Variants in ATP9B observed in about 807,000 individuals in gnomAD.
The protein encoded by ATP9B is probable phospholipid-transporting ATPase IIB.
ATP9B carries 110 observed loss-of-function variants against 146.1 expected under a neutral mutation model. The ratio of observed to expected loss-of-function variants is 0.75; its 90% confidence interval spans 0.65 to 0.88. The LOEUF (loss-of-function observed/expected upper bound fraction) is 0.88, where lower values mean the gene tolerates loss of function less well. ATP9B is among the 40% of genes least tolerant of loss of function. ATP9B has a pLI of 0.00. For missense variants in ATP9B, 1,499 were observed against 1,496.4 expected (o/e 1.00, Z -0.03); for synonymous variants, 604 against 569.7 (o/e 1.06, Z -0.86).
chr18:79,071,705 C>T (rs1203673190), intron 1 of ATP9B, among the ~76,000 whole-genome samples: 1 of 152,052 alleles, frequency 6.6e-6, no homozygotes, highest in African/African-American at 2.4e-5. Context: ...AAATCTTGTG[C>T]TGCTTCCTTC....
chr18:79,126,471 TA>T, intron 5 of ATP9B, 96 bp downstream of exon 5: 1 of 843,148 alleles, frequency 1.2e-6, no homozygotes, highest in Non-Finnish European at 1.9e-6. Context: ...TTAATTCTAT[TA>T]TTGAAAATAG....
In ATP9B at chr18:79,071,049, C is replaced by CTTTTTTCTTTTTTTTTTTTTTTTTT. The variant is rs1555723402; in HGVS notation, c.119+1526_119+1527insCTTTTTTTTTTTTTTTTTTTTTTTT. Among the ~76,000 whole-genome samples, 19 of 112,332 alleles carry CTTTTTTCTTTTTTTTTTTTTTTTTT rather than the reference C, an allele frequency of 1.7e-4. 1 individual carries two copies. The highest frequency in any genetic ancestry group is 6.7e-4 in the African/African-American group (19 of 28,466). The allele number at this position is 112,332 out of a possible 152,430, so 73.7% of individuals were successfully genotyped here. On this transcript the variant is annotated intron_variant, in intron 1 of 29. Coordinates refer to ENST00000426216, the MANE Select transcript of ATP9B (RefSeq NM_198531.5). Reference sequence around the variant, plus strand: ...CTGATTCTCATTCTGATTCCTGTTTCTTTTTTTTTTTTTTTTTGCCACTTT... The same window carrying CTTTTTTCTTTTTTTTTTTTTTTTTT: ...CTGATTCTCATTCTGATTCCTGTTTCTTTTTTCTTTTTTTTTTTTTTTTTTTTTTTTTTTTTTTTTTTGCCACTTT...
chr18:79,247,469 A>G (rs1031895041), intron 11 of ATP9B, among the ~76,000 whole-genome samples: 1 of 152,224 alleles, frequency 6.6e-6, no homozygotes, highest in South Asian at 2.1e-4. Flanking sequence ...AGATAACCTC[A>G]TTCTGCACTC....
chr18:79,281,735 C>A (rs2096378978), intron 13 of ATP9B, among the ~76,000 whole-genome samples: 1 of 151,698 alleles, frequency 6.6e-6, no homozygotes, highest in African/African-American at 2.4e-5. Context: ...TTAAAAAAAT[C>A]TTCTGGGGCC....
intron 12 of ATP9B, among the ~76,000 whole-genome samples, chr18:79,261,703 C>T (rs1599376432): frequency 6.6e-6 from 1 of 152,154 alleles, no homozygotes; most frequent in Admixed American, 6.5e-5. Context: ...AATGCTTCAT[C>T]CCCTGCTCTT....
intron 1 of ATP9B, among the ~76,000 whole-genome samples, chr18:79,088,938 C>A (rs902178736): frequency 5.9e-5 from 9 of 152,154 alleles, no homozygotes; most frequent in Non-Finnish European, 1.0e-4. Flanking sequence ...TCCACTCTTA[C>A]CAGCGATTAA....
At chr18:79,182,836 C>T (rs9966122) in intron 8 of ATP9B, among the ~76,000 whole-genome samples, 84,123 of 151,628 alleles carry the variant, frequency 0.55, 24,992 homozygotes, top group African/African-American at 0.79. Flanking sequence ...CCTGTGACTG[C>T]CCTGCAGAGC....
chr18:79,267,059 G>A (rs1456137987), intron 12 of ATP9B, among the ~76,000 whole-genome samples: 1 of 151,908 alleles, frequency 6.6e-6, no homozygotes, highest in African/African-American at 2.4e-5. Flanking sequence ...AAGGCCATGT[G>A]AGCCTCAACT....
At chr18:79,305,029 C>T (rs1291446346) in intron 14 of ATP9B, among the ~76,000 whole-genome samples, 1 of 152,090 alleles carries the variant, frequency 6.6e-6, no homozygotes, top group Non-Finnish European at 1.5e-5. Flanking sequence ...CCCGGACTTG[C>T]AGAGGCCACC....
At chr18:79,275,382 G>A (rs2096296596) in intron 12 of ATP9B, among the ~76,000 whole-genome samples, 1 of 152,164 alleles carries the variant, frequency 6.6e-6, no homozygotes, top group Admixed American at 6.5e-5. Flanking sequence ...CCAAATCAAA[G>A]AAGAGTTAAT....
intron 15 of ATP9B, among the ~76,000 whole-genome samples, chr18:79,328,484 G>A (rs1465697702): frequency 6.6e-6 from 1 of 151,944 alleles, no homozygotes; most frequent in Non-Finnish European, 1.5e-5. Flanking sequence ...TGTTATTTTG[G>A]CCTCAAAGCA....
chr18:79,240,054 C>T (rs2095874688), intron 11 of ATP9B, among the ~76,000 whole-genome samples: 1 of 152,214 alleles, frequency 6.6e-6, no homozygotes, highest in Non-Finnish European at 1.5e-5. Flanking sequence ...CAGCGCAGCC[C>T]ACTTTGGTAG....
rs189066605 is a variant in ATP9B at position 79,239,431 on chromosome 18, A to G, written c.1108-13950A>G. On this transcript the variant is annotated intron_variant, in intron 11 of 29. Transcript: ENST00000426216. This position sits in a 1 kb window ranked among gnomAD's most constrained non-coding sequence, Gnocchi z 5.1. ...GTACACAAACCATCCTCATAAAACC[A>G]AGCCCCAGAGTGGGTTGTGGTATGA... is the stretch of plus-strand genomic sequence containing the variant. 7.9e-5 allele frequency among the ~76,000 whole-genome samples: 12 copies of G among 152,268 alleles called. No homozygotes were observed. The highest frequency in any genetic ancestry group is 6.5e-4 in the Admixed American group (10 of 15,300).
chr18:79,338,851 A>T (rs1345030937), intron 19 of ATP9B, among the ~76,000 whole-genome samples: 1 of 152,260 alleles, frequency 6.6e-6, no homozygotes, highest in African/African-American at 2.4e-5. Context: ...CTTGGTTTTC[A>T]GAGAAAAGCT....
At chr18:79,245,911 C>T (rs1428524004) in intron 11 of ATP9B, among the ~76,000 whole-genome samples, 11 of 26,944 alleles carry the variant, frequency 4.1e-4, no homozygotes, top group Admixed American at 1.0e-3. Context: ...AGGGCACCGC[C>T]CTACTGACTG....
At position 79,207,974 on chromosome 18, in the gene ATP9B, G is replaced by A. The variant is rs185798954; in HGVS notation, c.1030+962G>A. ...TTAAAGAAGCTTATAGGCCGGGCGC[G>A]GGGGCTCACGCCTGGAATCCCAGCA... is the stretch of plus-strand genomic sequence containing the variant. On this transcript the variant is annotated intron_variant, in intron 10 of 29. Coordinates refer to ENST00000426216, the MANE Select transcript of ATP9B (RefSeq NM_198531.5). 7.6e-3 allele frequency among the ~76,000 whole-genome samples: 1,158 copies of A among 152,320 alleles called. 19 individuals carry two copies. The highest frequency in any genetic ancestry group is 0.026 in the African/African-American group (1,096 of 41,576).
intron 6 of ATP9B, among the ~76,000 whole-genome samples, chr18:79,149,451 A>T (rs1163515264): frequency 6.6e-6 from 1 of 152,172 alleles, no homozygotes; most frequent in Non-Finnish European, 1.5e-5. Context: ...GACTTAATGT[A>T]AAATGTGAAA....
chr18:79,172,234 C>G (rs2095086022), intron 7 of ATP9B, among the ~76,000 whole-genome samples: 1 of 135,686 alleles, frequency 7.4e-6, no homozygotes, highest in African/African-American at 2.8e-5. Flanking sequence ...CTTGGCCTCC[C>G]AAGGTGCTGT....
At chr18:79,375,748 G>C (rs1335833773) in intron 29 of ATP9B, 8 of 985,174 alleles carry the variant, frequency 8.1e-6, no homozygotes, top group Non-Finnish European at 9.6e-6. Context: ...ACACTTCCAG[G>C]GTCTTCAGAA....
Sources: gnomAD v4.1 joint callset for allele counts (sites outside exome capture counted in the v4.1 genomes callset) on GRCh38, gnomAD v4.1.1 for gene constraint, Gnocchi (gnomAD v3.1) non-coding constraint, MANE v1.5 for transcripts, NCBI Gene and HGNC (gene_info 2026-07-23, HGNC 2026-07-21) for gene names.